Variants in EYS observed in about 807,000 individuals in gnomAD.
EYS encodes the protein protein eyes shut homolog.
Under a neutral mutation model 282.1 loss-of-function variants are expected in EYS, and 250 were observed. The observed-to-expected ratio is 0.89, with a 90% CI of 0.80 to 0.98. The LOEUF (loss-of-function observed/expected upper bound fraction) is 0.98. Ranked by LOEUF, EYS falls within the 50% of genes least tolerant of loss-of-function variation. EYS has a pLI of 0.00. For synonymous variants in EYS, 1,355 were observed against 1,282.9 expected, an observed-to-expected ratio of 1.06 and a Z score of -1.20; for missense variants, 4,016 against 3,709.0, an observed-to-expected ratio of 1.08 and a Z score of -2.15.
intron 1 of EYS, among the ~76,000 whole-genome samples, chr6:65,663,622 T>C (rs372281750): frequency 8.5e-5 from 13 of 152,304 alleles, no homozygotes; most frequent in Middle Eastern, 3.4e-3. Context: ...GTTTGGATCA[T>C]GGTACAAAAG....
At chr6:64,436,293 A>C (rs2150464030) in intron 27 of EYS, 28 bp from the exon 28 acceptor site, 2 of 1,323,814 alleles carry the variant, frequency 1.5e-6, no homozygotes, top group Admixed American at 2.0e-5. Context: ...TTTGTCCTCA[A>C]ACAGTTTTTC....
chr6:64,071,783 A>T (rs1771589633), intron 32 of EYS, among the ~76,000 whole-genome samples: 1 of 151,532 alleles, frequency 6.6e-6, no homozygotes, highest in South Asian at 2.1e-4. Context: ...TACAACACAT[A>T]TAAGGAGGAA....
At chr6:65,069,660 GCT>G in intron 12 of EYS, among the ~76,000 whole-genome samples, 1 of 151,746 alleles carries the variant, frequency 6.6e-6, no homozygotes. Context: ...TTGGTCATGG[GCT>G]CTCTTTCTCC....
Position 64,924,188 on chromosome 6 carries a change from C to T in EYS, c.2382-11445G>A, listed in dbSNP as rs1389262893. Among the ~76,000 whole-genome samples, 3 of 152,166 alleles carry T rather than the reference C, an allele frequency of 2.0e-5. No homozygotes were observed. The East Asian group carries it at 5.8e-4, about 29-fold the overall frequency. On this transcript the variant is annotated intron_variant, in intron 15 of 42. Transcript: ENST00000503581. The stretch of plus-strand genomic sequence containing the variant: ...CAAACCTCAGTTCTTGACTTCTGTG[C>T]CCCCAGAGGCTCACCACCATGTGGA...
chr6:65,131,984 C>T (rs1265313701), intron 12 of EYS, among the ~76,000 whole-genome samples: 1 of 151,916 alleles, frequency 6.6e-6, no homozygotes, highest in Non-Finnish European at 1.5e-5. Context: ...GGGATAAATT[C>T]CTGGACACAC....
intron 2 of EYS, among the ~76,000 whole-genome samples, chr6:65,505,504 G>T (rs1645709817): frequency 1.3e-5 from 2 of 151,700 alleles, no homozygotes; most frequent in African/African-American, 2.4e-5. Flanking sequence ...ATTGATTATA[G>T]ATTTTACTTT....
intron 31 of EYS, among the ~76,000 whole-genome samples, chr6:64,105,883 G>A (rs1214559359): frequency 6.6e-6 from 1 of 152,020 alleles, no homozygotes; most frequent in Non-Finnish European, 1.5e-5. Flanking sequence ...GCTTTCATTT[G>A]ATTAGTGTTA....
chr6:65,570,453 T>A (rs1764439693), intron 2 of EYS, among the ~76,000 whole-genome samples: 1 of 152,164 alleles, frequency 6.6e-6, no homozygotes, highest in Non-Finnish European at 1.5e-5. Context: ...CTGTGCCATT[T>A]TTCCCCTCAA....
At chr6:64,945,091 G>A (rs1769237064) in intron 15 of EYS, among the ~76,000 whole-genome samples, 1 of 148,220 alleles carries the variant, frequency 6.7e-6, no homozygotes. Flanking sequence ...TATGCTGAGT[G>A]CCGGTCCCCT....
At chr6:64,882,560 C>G (rs1766957242) in intron 19 of EYS, among the ~76,000 whole-genome samples, 1 of 151,550 alleles carries the variant, frequency 6.6e-6, no homozygotes, top group African/African-American at 2.4e-5. Context: ...TACTATTAAT[C>G]TAAAGCTAAA....
chr6:64,172,242 ACT>A (rs1764499620), intron 31 of EYS, among the ~76,000 whole-genome samples: 1 of 152,046 alleles, frequency 6.6e-6, no homozygotes, highest in Non-Finnish European at 1.5e-5. Context: ...AGAACACTTA[ACT>A]TGAGATCTCT....
At chr6:63,864,948 G>C (rs1185000072) in intron 35 of EYS, among the ~76,000 whole-genome samples, 1 of 152,154 alleles carries the variant, frequency 6.6e-6, no homozygotes, top group Non-Finnish European at 1.5e-5. Context: ...TACCTGCCAG[G>C]GAAGCATTCT....
In EYS at chr6:64,032,421, C is replaced by CTT. The variant is rs1769896784; in HGVS notation, c.6726-33240_6726-33239dup. Reference sequence around the variant, plus strand: ...GCTTATTGGCCATTAAAGGGAAAAACTTTTTCTATATTTACAACATTTCTG... The same window carrying CTT: ...GCTTATTGGCCATTAAAGGGAAAAACTTTTTTTCTATATTTACAACATTTCTG... On this transcript the variant is annotated intron_variant, in intron 33 of 42. Transcript: ENST00000503581. Among the ~76,000 whole-genome samples the CTT allele has an allele frequency of 2.0e-5, 3 of 152,270 alleles. No homozygotes were observed. In the South Asian group the frequency reaches 6.2e-4, roughly 32 times the overall value.
chr6:63,896,080 T>C (rs1367591456), intron 35 of EYS, among the ~76,000 whole-genome samples: 1 of 152,200 alleles, frequency 6.6e-6, no homozygotes, highest in Non-Finnish European at 1.5e-5. Context: ...ATGTTGTAAA[T>C]TTCTTCAAAG....
intron 22 of EYS, among the ~76,000 whole-genome samples, chr6:64,660,711 C>A (rs191539649): frequency 1.5e-3 from 225 of 152,228 alleles, no homozygotes; most frequent in African/African-American, 5.1e-3. Context: ...AGGAGAACTA[C>A]AAACCACTGC....
chr6:64,099,912 T>C (rs926397799), intron 31 of EYS, among the ~76,000 whole-genome samples: 1 of 152,200 alleles, frequency 6.6e-6, no homozygotes, highest in African/African-American at 2.4e-5. Flanking sequence ...ATTTAAATTA[T>C]TGCTTTATAT....
intron 12 of EYS, among the ~76,000 whole-genome samples, chr6:65,217,713 C>G (rs781173730): frequency 1.3e-5 from 2 of 151,894 alleles, no homozygotes; most frequent in African/African-American, 4.8e-5. Flanking sequence ...GAAATGCAAA[C>G]GATCTTTATG....
intron 28 of EYS, among the ~76,000 whole-genome samples, chr6:64,425,746 T>G (rs900896908): frequency 2.6e-5 from 4 of 151,424 alleles, no homozygotes; most frequent in African/African-American, 9.7e-5. Context: ...GACGAAATGT[T>G]GAAAAGGACT....
intron 22 of EYS, among the ~76,000 whole-genome samples, chr6:64,675,495 T>C (rs907530730): frequency 2.0e-5 from 3 of 147,348 alleles, no homozygotes; most frequent in African/African-American, 7.6e-5. Flanking sequence ...TGGTGCAATC[T>C]TGGCTCACTG....
Sources: gnomAD v4.1 joint callset for allele counts (sites outside exome capture counted in the v4.1 genomes callset) on GRCh38, gnomAD v4.1.1 for gene constraint, MANE v1.5 for transcripts, NCBI Gene and HGNC (gene_info 2026-07-23, HGNC 2026-07-21) for gene names.